Variants in LHFPL4 observed in about 807,000 individuals in gnomAD.
The protein encoded by LHFPL4 is LHFPL tetraspan subfamily member 4.
A neutral mutation model predicts 20.0 loss-of-function variants in LHFPL4; 6 were observed. The ratio of observed to expected loss-of-function variants is 0.30; its 90% CI spans 0.16 to 0.59. The LOEUF (loss-of-function observed/expected upper bound fraction) is 0.59. Among genes scored for constraint, LHFPL4 ranks in the 20% least tolerant of loss-of-function variants. The pLI, the probability that LHFPL4 is intolerant of heterozygous loss-of-function variation, is 0.88. For missense variants in LHFPL4, 215 were observed against 331.2 expected, an observed-to-expected ratio of 0.65 and a Z score of 2.72; for synonymous variants, 129 against 143.8, an observed-to-expected ratio of 0.90 and a Z score of 0.74.
intron 2 of LHFPL4, among the ~76,000 whole-genome samples, chr3:9,515,510 A>T (rs2046293424): frequency 6.6e-6 from 1 of 151,982 alleles, no homozygotes. Context: ...AGTAACTGGG[A>T]CTACAGGCAT....
At chr3:9,507,543 A>G (rs1409436913) in intron 2 of LHFPL4, among the ~76,000 whole-genome samples, 1 of 152,248 alleles carries the variant, frequency 6.6e-6, no homozygotes, top group Non-Finnish European at 1.5e-5. Flanking sequence ...ATAATGCCAA[A>G]AGTAATAATT....
chr3:9,510,292 C>A (rs1019574079), intron 2 of LHFPL4, among the ~76,000 whole-genome samples: 1 of 151,738 alleles, frequency 6.6e-6, no homozygotes, highest in Non-Finnish European at 1.5e-5. Flanking sequence ...GTGAAAAGCA[C>A]AAGTACATGG....
intron 2 of LHFPL4, among the ~76,000 whole-genome samples, chr3:9,524,454 C>T (rs2633793): frequency 0.53 from 80,370 of 151,694 alleles, 21,794 homozygotes; most frequent in African/African-American, 0.66. Context: ...AGTCTTTTTC[C>T]CTTTACTTTT....
At chr3:9,530,076 G>A (rs928556643) in intron 2 of LHFPL4, among the ~76,000 whole-genome samples, 2 of 152,078 alleles carry the variant, frequency 1.3e-5, no homozygotes, top group Non-Finnish European at 2.9e-5. Context: ...TAATTCTTAA[G>A]GGCCCTAGAA....
chr3:9,499,420 G>A lies in LHFPL4; in HGVS notation c.*2791C>T, dbSNP rs554984819. The A allele has an allele frequency of 3.9e-5, 6 of 152,940 alleles. No individual in the cohort carries two copies. The highest frequency in any genetic ancestry group is 2.0e-4 in the Admixed American group (3 of 15,286). The allele number at this position is 152,940 out of a possible 1,614,324, so 9.5% of individuals were successfully genotyped here. ...TTGCCTGTGTCACCCTGGGGTTCCC[G>A]CAGACTTCAGCCCACACAACTCTGC... On this transcript the variant is annotated 3_prime_UTR_variant, in exon 4 of 4. Transcript: ENST00000287585.
chr3:9,519,229 G>T (rs189487352), intron 2 of LHFPL4, among the ~76,000 whole-genome samples: 20 of 150,292 alleles, frequency 1.3e-4, no homozygotes, highest in Non-Finnish European at 3.0e-5. Flanking sequence ...ATGAGCCACC[G>T]CACCCAACCT....
chr3:9,516,269 G>C (rs2046300539), intron 2 of LHFPL4, among the ~76,000 whole-genome samples: 1 of 152,034 alleles, frequency 6.6e-6, no homozygotes, highest in African/African-American at 2.4e-5. Flanking sequence ...TAAGGTCTAT[G>C]TCCATATTAT....
At chr3:9,552,115 C>A (rs941706489) in intron 2 of LHFPL4, among the ~76,000 whole-genome samples, 159 bp downstream of exon 2, 1 of 151,404 alleles carries the variant, frequency 6.6e-6, no homozygotes, top group South Asian at 2.1e-4. Flanking sequence ...CTGCAGCGTA[C>A]CCCCTCCCCA....
chr3:9,512,039 T>G (rs1301551404), intron 2 of LHFPL4, among the ~76,000 whole-genome samples: 1 of 152,082 alleles, frequency 6.6e-6, no homozygotes, highest in African/African-American at 2.4e-5. Flanking sequence ...TTCACACCAT[T>G]CGCCTTCCTC....
intron 2 of LHFPL4, among the ~76,000 whole-genome samples, chr3:9,522,958 G>GCT (rs2046348106): frequency 7.0e-6 from 1 of 143,774 alleles, no homozygotes; most frequent in Non-Finnish European, 1.5e-5. Flanking sequence ...GGAGAATGGT[G>GCT]TGAACCAGGG....
In LHFPL4 at chr3:9,502,046, C is replaced by T; in HGVS notation, c.*165G>A. 4.7e-6 allele frequency: 3 copies of T among 632,790 alleles called. No homozygotes were observed. In the South Asian group the frequency reaches 5.7e-5, roughly 12 times the overall value. The allele number at this position is 632,790 out of a possible 1,614,324, so 39.2% of individuals were successfully genotyped here. ...TGGAGGGCCTCTCCTCTCCCCCAGG[C>T]CACATCCAGGCTTTCCTCTCCTCAA... On this transcript the variant is annotated 3_prime_UTR_variant, in exon 4 of 4. Transcript: ENST00000287585.
Position 9,536,875 on chromosome 3 carries a change from C to T in LHFPL4, c.406+15399G>A, listed in dbSNP as rs145368860. Among the ~76,000 whole-genome samples the T allele has an allele frequency of 6.6e-5, 10 of 150,504 alleles. No individual in the cohort carries two copies. In the East Asian group the frequency reaches 1.4e-3, roughly 21 times the overall value. The stretch of plus-strand genomic sequence containing the variant: ...CAGAGCTTGCAGTGAGCTGAGATCG[C>T]GCCACTGCATTCCAGCCTGGGTGAC... On this transcript the variant is annotated intron_variant, in intron 2 of 3. Coordinates refer to ENST00000287585, the MANE Select transcript of LHFPL4 (RefSeq NM_198560.3).
intron 2 of LHFPL4, among the ~76,000 whole-genome samples, chr3:9,525,621 G>C (rs1269498341): frequency 6.6e-6 from 1 of 152,152 alleles, no homozygotes; most frequent in East Asian, 1.9e-4. Context: ...TTTATAAAAA[G>C]GATATGCATA....
intron 2 of LHFPL4, among the ~76,000 whole-genome samples, chr3:9,529,686 G>T (rs1355357017): frequency 2.6e-5 from 4 of 152,024 alleles, no homozygotes; most frequent in Non-Finnish European, 5.9e-5. Context: ...CCAGGCTGGA[G>T]TGCAGTGGCG....
intron 2 of LHFPL4, among the ~76,000 whole-genome samples, chr3:9,536,600 C>T (rs1309961801): frequency 6.6e-6 from 1 of 152,176 alleles, no homozygotes; most frequent in Non-Finnish European, 1.5e-5. Flanking sequence ...AAACTAGTTT[C>T]TCTGCTTCTA....
chr3:9,544,266 AG>A (rs2046497606), intron 2 of LHFPL4, among the ~76,000 whole-genome samples: 1 of 150,950 alleles, frequency 6.6e-6, no homozygotes, highest in African/African-American at 2.5e-5. Flanking sequence ...AAGAGTCAAA[AG>A]TCTGGAAATA....
chr3:9,532,888 G>T (rs955762040), intron 2 of LHFPL4, among the ~76,000 whole-genome samples: 1 of 152,134 alleles, frequency 6.6e-6, no homozygotes, highest in Non-Finnish European at 1.5e-5. Context: ...CTGTCCCCCA[G>T]GCCCTGCAGA....
intron 2 of LHFPL4, among the ~76,000 whole-genome samples, chr3:9,525,919 T>C (rs1230490671): frequency 6.6e-6 from 1 of 152,224 alleles, no homozygotes; most frequent in Non-Finnish European, 1.5e-5. Context: ...CCTGAGTCCA[T>C]GCTCTTAACT....
intron 2 of LHFPL4, among the ~76,000 whole-genome samples, chr3:9,513,186 T>C (rs757973980): frequency 6.6e-6 from 1 of 152,200 alleles, no homozygotes; most frequent in Non-Finnish European, 1.5e-5. Context: ...GGTCTCGATC[T>C]CTTGACCTCG....
Sources: gnomAD v4.1 joint callset for allele counts (sites outside exome capture counted in the v4.1 genomes callset) on GRCh38, gnomAD v4.1.1 for gene constraint, MANE v1.5 for transcripts, NCBI Gene and HGNC (gene_info 2026-07-23, HGNC 2026-07-21) for gene names.